The following ZMAT4 variants were observed in gnomAD, a reference collection of about 807,000 sequenced individuals.
The protein encoded by ZMAT4 is zinc finger matrin-type protein 4.
A neutral mutation model predicts 28.7 loss-of-function variants in ZMAT4; 17 were observed. That is an observed-to-expected ratio of 0.59 (90% CI 0.41 to 0.89). ZMAT4 has a LOEUF of 0.89. Among genes scored for constraint, ZMAT4 ranks in the 40% least tolerant of loss-of-function variants. ZMAT4 has a pLI of 0.00. For synonymous variants in ZMAT4, 117 were observed against 109.2 expected, an observed-to-expected ratio of 1.07 and a Z score of -0.44; for missense variants, 240 against 283.8, an observed-to-expected ratio of 0.85 and a Z score of 1.11.
At chr8:40,875,447 A>C (rs1818009099) in intron 1 of ZMAT4, among the ~76,000 whole-genome samples, 2 of 152,216 alleles carry the variant, frequency 1.3e-5, no homozygotes, top group African/African-American at 4.8e-5. Context: ...GTTAATAAGC[A>C]TGGGTGCAAA....
At chr8:40,601,267 C>A (rs910445653) in intron 5 of ZMAT4, among the ~76,000 whole-genome samples, 12 of 151,520 alleles carry the variant, frequency 7.9e-5, no homozygotes, top group Admixed American at 4.0e-4. Flanking sequence ...TCCACTTTAA[C>A]AGAAACTGCA....
chr8:40,825,551 C>T, intron 2 of ZMAT4, 24 bp downstream of exon 2: 1 of 1,547,706 alleles, frequency 6.5e-7, no homozygotes, highest in Non-Finnish European at 8.7e-7. Context: ...CATTTGCAAA[C>T]AGAGTGGGAA....
chr8:40,765,219 C>A (rs764199072), intron 3 of ZMAT4, among the ~76,000 whole-genome samples: 1 of 152,152 alleles, frequency 6.6e-6, no homozygotes, highest in Non-Finnish European at 1.5e-5. Flanking sequence ...CTCCAGACAA[C>A]GTCTTTATAT....
At chr8:40,649,210 A>T (rs1807508240) in intron 5 of ZMAT4, among the ~76,000 whole-genome samples, 1 of 152,188 alleles carries the variant, frequency 6.6e-6, no homozygotes, top group South Asian at 2.1e-4. Context: ...CATAGACTCA[A>T]AATAAAGGGA....
chr8:40,734,598 G>T (rs1233916956), intron 3 of ZMAT4, among the ~76,000 whole-genome samples: 3 of 152,088 alleles, frequency 2.0e-5, no homozygotes, highest in African/African-American at 7.2e-5. Context: ...GGAAGACTCT[G>T]GTAATCACCC....
intron 5 of ZMAT4, among the ~76,000 whole-genome samples, chr8:40,624,170 G>A (rs1806293240): frequency 6.6e-6 from 1 of 152,202 alleles, no homozygotes; most frequent in African/African-American, 2.4e-5. Flanking sequence ...TTTGGAGATA[G>A]TCTTTAGGAG....
chr8:40,875,027 A>G (rs1361360548), intron 1 of ZMAT4, among the ~76,000 whole-genome samples: 4 of 152,304 alleles, frequency 2.6e-5, no homozygotes, highest in South Asian at 4.1e-4. Context: ...CCAGTCCTCC[A>G]CGGGCTGTAT....
chr8:40,847,213 ACAAAC>A (rs1816937627), intron 1 of ZMAT4, among the ~76,000 whole-genome samples: 3 of 84,574 alleles, frequency 3.5e-5, no homozygotes, highest in African/African-American at 1.4e-4. Flanking sequence ...AAAAAAACAA[ACAAAC>A]AAAAAAAAAA....
rs185446524 is a variant in ZMAT4 at position 40,648,155 on chromosome 8, C to T, written c.577+26549G>A. Among the ~76,000 whole-genome samples, 834 of 152,092 alleles carry T rather than the reference C, an allele frequency of 5.5e-3. 12 individuals are homozygous for T. Among genetic ancestry groups the T allele is most frequent in the African/African-American group, 0.019 (786 of 41,452 alleles). On this transcript the variant is annotated intron_variant, in intron 5 of 6. Transcript: ENST00000297737. ...TATGGGAGGACATTCAAACCAAAGG[C>T]AAAGAACTTGAAAACTTTGAAAAAA...
intron 4 of ZMAT4, among the ~76,000 whole-genome samples, chr8:40,675,874 G>A (rs746254408): frequency 6.6e-6 from 1 of 152,124 alleles, no homozygotes; most frequent in Non-Finnish European, 1.5e-5. Context: ...TAGATCAGGT[G>A]TACTTATCTA....
intron 2 of ZMAT4, among the ~76,000 whole-genome samples, chr8:40,776,086 C>A (rs1248431531): frequency 6.6e-6 from 1 of 152,224 alleles, no homozygotes; most frequent in East Asian, 1.9e-4. Context: ...GCCCCCAAAT[C>A]TGGTATCTTG....
intron 6 of ZMAT4, among the ~76,000 whole-genome samples, chr8:40,554,143 C>T (rs1419180296): frequency 3.3e-5 from 5 of 152,052 alleles, no homozygotes; most frequent in Non-Finnish European, 5.9e-5. Context: ...TAAGCTGACA[C>T]GTTATAAGGT....
intron 2 of ZMAT4, among the ~76,000 whole-genome samples, chr8:40,794,275 C>T (rs947038897): frequency 6.6e-5 from 10 of 152,098 alleles, no homozygotes; most frequent in African/African-American, 2.4e-4. Context: ...TTGTTGGCAC[C>T]ATAAGCTACA....
rs546671163 is a variant in ZMAT4, at chr8:40,787,735, G to A, written c.103-20005C>T. ...TCTACAAGTGTGACTCACAGGCAGA[G>A]AGCACCCACAGTGCAGAGACACTGG... On this transcript the variant is annotated intron_variant, in intron 2 of 6. Transcript: ENST00000297737. 3.3e-5 allele frequency among the ~76,000 whole-genome samples: 5 copies of A among 152,298 alleles called. No homozygotes were observed. The South Asian group carries it at 8.3e-4, about 25-fold the overall frequency.
chr8:40,880,086 G>A (rs1437261208), intron 1 of ZMAT4, among the ~76,000 whole-genome samples: 3 of 151,966 alleles, frequency 2.0e-5, no homozygotes, highest in South Asian at 2.1e-4. Context: ...GCAGAAATCC[G>A]GCCAGGCATG....
chr8:40,870,159 G>A (rs1817803816), intron 1 of ZMAT4, among the ~76,000 whole-genome samples: 1 of 152,154 alleles, frequency 6.6e-6, no homozygotes, highest in South Asian at 2.1e-4. Flanking sequence ...CAGGAAAAGG[G>A]CTGCTCCAGA....
chr8:40,887,089 T>A (rs1818481456), intron 1 of ZMAT4, among the ~76,000 whole-genome samples: 1 of 145,540 alleles, frequency 6.9e-6, no homozygotes, highest in Admixed American at 7.2e-5. Flanking sequence ...GAGAATGGCG[T>A]GAACCCAGGA....
chr8:40,737,541 C>T (rs552978724), intron 3 of ZMAT4, among the ~76,000 whole-genome samples: 54 of 152,190 alleles, frequency 3.5e-4, no homozygotes, highest in Non-Finnish European at 5.9e-4. Flanking sequence ...ATCATATGCT[C>T]AAGAGCAGGT....
chr8:40,835,312 G>A (rs369707524), intron 1 of ZMAT4, among the ~76,000 whole-genome samples: 2 of 152,294 alleles, frequency 1.3e-5, no homozygotes, highest in African/African-American at 4.8e-5. Flanking sequence ...TGCTCCTTAT[G>A]TTTCCTGTCG....
Sources: gnomAD v4.1 joint callset for allele counts (sites outside exome capture counted in the v4.1 genomes callset) on GRCh38, gnomAD v4.1.1 for gene constraint, MANE v1.5 for transcripts, NCBI Gene and HGNC (gene_info 2026-07-23, HGNC 2026-07-21) for gene names.